The following CEP112 variants were observed in gnomAD, a reference collection of about 807,000 sequenced individuals.
The protein encoded by CEP112 is centrosomal protein 112.
Under a neutral mutation model 153.0 loss-of-function variants are expected in CEP112, and 127 were observed. The observed-to-expected ratio is 0.83, with a 90% CI of 0.72 to 0.96. The LOEUF is 0.96. CEP112 is among the 40% of genes least tolerant of loss of function. The pLI is 0.00. For missense variants in CEP112, 1,089 were observed against 1,101.2 expected, an observed-to-expected ratio of 0.99 and a Z score of 0.16; for synonymous variants, 358 against 374.4, an observed-to-expected ratio of 0.96 and a Z score of 0.51.
intron 18 of CEP112, among the ~76,000 whole-genome samples, chr17:65,940,192 T>A (rs7224843): frequency 1.3e-5 from 2 of 152,114 alleles, no homozygotes; most frequent in South Asian, 4.1e-4. Flanking sequence ...GAGATATCAC[T>A]TCACAACTGT....
At chr17:66,143,368 T>A (rs76182212) in intron 4 of CEP112, among the ~76,000 whole-genome samples, 5 of 152,208 alleles carry the variant, frequency 3.3e-5, no homozygotes, top group African/African-American at 1.2e-4. Flanking sequence ...CAAGGACACA[T>A]CTTTACACAC....
chr17:65,666,292 A>C (rs1231764531), intron 24 of CEP112, among the ~76,000 whole-genome samples: 2 of 152,186 alleles, frequency 1.3e-5, no homozygotes, highest in Non-Finnish European at 2.9e-5. Flanking sequence ...ACCTCAATGG[A>C]CCTTCTCCAT....
At chr17:66,087,864 C>T (rs2067998037) in intron 8 of CEP112, among the ~76,000 whole-genome samples, 1 of 152,044 alleles carries the variant, frequency 6.6e-6, no homozygotes, top group African/African-American at 2.4e-5. Flanking sequence ...TAGACTTTAC[C>T]TCAGACCTCA....
chr17:66,179,669 T>C (rs369664493), intron 2 of CEP112, among the ~76,000 whole-genome samples: 7 of 152,306 alleles, frequency 4.6e-5, no homozygotes, highest in Non-Finnish European at 7.4e-5. Flanking sequence ...CCAATTTCGA[T>C]GCCCTTTATT....
chr17:66,149,949 T>C (rs942551732), intron 4 of CEP112, among the ~76,000 whole-genome samples: 2 of 126,516 alleles, frequency 1.6e-5, no homozygotes, highest in Admixed American at 9.7e-5. Context: ...TGGAGTACAG[T>C]GGTGTGATCT....
intron 11 of CEP112, among the ~76,000 whole-genome samples, chr17:66,059,005 G>T (rs1480175776): frequency 6.6e-6 from 1 of 152,046 alleles, no homozygotes; most frequent in Admixed American, 6.6e-5. Context: ...CAGAAATAAT[G>T]ATGCACACCT....
At chr17:65,914,647 T>G (rs1319122220) in intron 19 of CEP112, among the ~76,000 whole-genome samples, 1 of 152,206 alleles carries the variant, frequency 6.6e-6, no homozygotes, top group Admixed American at 6.5e-5. Flanking sequence ...CATCCTTTCT[T>G]GCCAAATTAA....
chr17:66,183,568 C>G (rs2072804946), intron 1 of CEP112, among the ~76,000 whole-genome samples: 1 of 151,992 alleles, frequency 6.6e-6, no homozygotes, highest in African/African-American at 2.4e-5. Context: ...CTCACATTAC[C>G]AGATTTTAAG....
intron 21 of CEP112, among the ~76,000 whole-genome samples, chr17:65,788,617 C>T (rs778343522): frequency 1.8e-4 from 28 of 152,016 alleles, no homozygotes; most frequent in Non-Finnish European, 3.1e-4. Context: ...CATTTAATCA[C>T]GTTTTCTAAA....
chr17:66,175,305 G>T, intron 3 of CEP112, 89 bp from the exon 4 acceptor site: 1 of 876,240 alleles, frequency 1.1e-6, no homozygotes, highest in Non-Finnish European at 1.6e-6. Context: ...TTTGAAAACA[G>T]CCTTTCAAAT....
At chr17:66,113,439 T>C (rs999185699) in intron 6 of CEP112, among the ~76,000 whole-genome samples, 2 of 152,084 alleles carry the variant, frequency 1.3e-5, no homozygotes, top group African/African-American at 4.8e-5. Flanking sequence ...CCAAAGATGC[T>C]CAAGCACTAA....
At chr17:65,983,816 T>C (rs1419427607) in intron 17 of CEP112, among the ~76,000 whole-genome samples, 5 of 152,188 alleles carry the variant, frequency 3.3e-5, no homozygotes, top group Non-Finnish European at 7.3e-5. Flanking sequence ...TCAGAGAAAA[T>C]GGAGACTAAC....
chr17:66,172,017 A>G (rs546851136), intron 4 of CEP112, among the ~76,000 whole-genome samples: 1 of 150,738 alleles, frequency 6.6e-6, no homozygotes, highest in South Asian at 2.1e-4. Flanking sequence ...TGTTAAAAAG[A>G]AAAAAAAATC....
intron 4 of CEP112, among the ~76,000 whole-genome samples, chr17:66,149,209 C>T (rs938274958): frequency 6.6e-6 from 1 of 152,100 alleles, no homozygotes; most frequent in African/African-American, 2.4e-5. Flanking sequence ...ATGTGTAAAC[C>T]TTTAATGTGC....
chr17:65,971,447 A>G (rs562339613), intron 17 of CEP112, among the ~76,000 whole-genome samples: 5 of 68,046 alleles, frequency 7.3e-5, no homozygotes, highest in South Asian at 1.8e-3. Context: ...TGGATGCCGC[A>G]TGCATGCATA....
chr17:65,777,557 C>A (rs559256641), intron 21 of CEP112, among the ~76,000 whole-genome samples: 11 of 152,092 alleles, frequency 7.2e-5, no homozygotes, highest in Non-Finnish European at 1.5e-4. Flanking sequence ...ACTACCCACA[C>A]CCTACACACC....
intron 4 of CEP112, among the ~76,000 whole-genome samples, chr17:66,136,998 G>C (rs2070463534): frequency 6.6e-6 from 1 of 152,020 alleles, no homozygotes; most frequent in Admixed American, 6.6e-5. Flanking sequence ...ATGGCCCAAA[G>C]AAAGGAACAA....
chr17:65,792,387 T>A (rs2054640512), intron 21 of CEP112, among the ~76,000 whole-genome samples: 1 of 152,166 alleles, frequency 6.6e-6, no homozygotes, highest in Non-Finnish European at 1.5e-5. Flanking sequence ...TCATCATGCA[T>A]TTAATGAAGG....
chr17:66,015,594 C>T (rs530877253), intron 16 of CEP112, among the ~76,000 whole-genome samples: 1 of 152,250 alleles, frequency 6.6e-6, no homozygotes, highest in South Asian at 2.1e-4. Flanking sequence ...ACACAGCACA[C>T]GTTAAGTTTC....
Sources: allele counts gnomAD v4.1 joint callset (sites outside exome capture counted in the v4.1 genomes callset), GRCh38; gene constraint gnomAD v4.1.1; transcripts MANE v1.5; gene names NCBI Gene and HGNC (gene_info 2026-07-23, HGNC 2026-07-21).